Variants in LSAMP observed in about 807,000 individuals in gnomAD.
The protein encoded by LSAMP is limbic system-associated membrane protein.
Under a neutral mutation model 38.6 loss-of-function variants are expected in LSAMP, and 7 were observed. The ratio of observed to expected loss-of-function variants is 0.18; its 90% CI spans 0.10 to 0.34. LSAMP has a LOEUF of 0.34. Among genes scored for constraint, LSAMP ranks in the 10% least tolerant of loss-of-function variants. The pLI is 1.00. For synonymous variants in LSAMP, 154 were observed against 166.8 expected (o/e 0.92, Z 0.59); for missense variants, 313 against 420.0 (o/e 0.75, Z 2.23).
chr3:116,278,709 C>A (rs145392743), intron 1 of LSAMP, among the ~76,000 whole-genome samples: 1 of 152,042 alleles, frequency 6.6e-6, no homozygotes, highest in African/African-American at 2.4e-5. Flanking sequence ...ATATTATCCA[C>A]GCTTAATGTG....
chr3:115,882,765 T>C (rs1936353358), intron 3 of LSAMP, among the ~76,000 whole-genome samples: 1 of 152,076 alleles, frequency 6.6e-6, no homozygotes, highest in Non-Finnish European at 1.5e-5. Flanking sequence ...CTTCTCTCCC[T>C]CATCTCTCAC....
chr3:116,172,518 G>A (rs1710226836), intron 1 of LSAMP, among the ~76,000 whole-genome samples: 1 of 151,966 alleles, frequency 6.6e-6, no homozygotes, highest in African/African-American at 2.4e-5. Context: ...GCTTGTGATA[G>A]AGCATAAAAA....
intron 1 of LSAMP, among the ~76,000 whole-genome samples, chr3:116,329,093 A>T (rs1163437516): frequency 6.6e-6 from 1 of 152,164 alleles, no homozygotes; most frequent in Non-Finnish European, 1.5e-5. Flanking sequence ...GTAGGTTTCA[A>T]TAAGAATAGG....
At chr3:116,256,232 G>A (rs1050459694) in intron 1 of LSAMP, among the ~76,000 whole-genome samples, 5 of 152,148 alleles carry the variant, frequency 3.3e-5, no homozygotes, top group African/African-American at 4.8e-5. Context: ...TTCCTGACAC[G>A]TTATAAAACA....
At chr3:116,063,798 A>G (rs1941635952) in intron 2 of LSAMP, among the ~76,000 whole-genome samples, 1 of 152,192 alleles carries the variant, frequency 6.6e-6, no homozygotes. Flanking sequence ...TAAAGTAGGT[A>G]TCTATTGCAA....
intron 3 of LSAMP, among the ~76,000 whole-genome samples, chr3:115,969,917 A>G (rs1213508196): frequency 6.6e-6 from 1 of 152,204 alleles, no homozygotes; most frequent in Non-Finnish European, 1.5e-5. Flanking sequence ...CCCTTCAGTG[A>G]CAATAATGTG....
chr3:115,834,737 T>A (rs914364900), intron 6 of LSAMP: 2 of 277,896 alleles, frequency 7.2e-6, no homozygotes, highest in African/African-American at 4.7e-5. Context: ...AAAACATTTG[T>A]CTGTACTTCC....
chr3:116,308,250 C>A (rs888015743), intron 1 of LSAMP, among the ~76,000 whole-genome samples: 1 of 151,918 alleles, frequency 6.6e-6, no homozygotes, highest in Non-Finnish European at 1.5e-5. Flanking sequence ...AAATTAATCA[C>A]CCCTTCCTTT....
Position 116,031,716 on chromosome 3 carries a change from C to T in LSAMP, c.389-12076G>A, listed in dbSNP as rs916060649. Among the ~76,000 whole-genome samples the T allele has an allele frequency of 4.0e-5, 6 of 151,518 alleles. No homozygotes were observed. The South Asian group carries it at 1.3e-3, about 32-fold the overall frequency. The stretch of plus-strand genomic sequence containing the variant: ...TAATAAAAGTTGTTTTTTGCCACTG[C>T]TTAAGGGCCCAGAAGATAGAATATT... On this transcript the variant is annotated intron_variant, in intron 2 of 6. Transcript: ENST00000490035.
In LSAMP at chr3:116,445,375, G is replaced by C. The variant is rs2049497533; in HGVS notation, c.-344C>G. On this transcript the variant is annotated 5_prime_UTR_variant, in exon 1 of 7. Coordinates refer to ENST00000490035, the MANE Select transcript of LSAMP (RefSeq NM_002338.5). ...TCTGTGACTGGATGCTCCTCTGCCA[G>C]TGTCTGAGCTGAGCTCCTTCGCTCT... 2.0e-6 allele frequency: 1 copy of C among 499,082 alleles called. No individual in the cohort carries two copies. Among genetic ancestry groups the C allele is most frequent in the South Asian group, 3.8e-5 (1 of 26,060 alleles). The allele number at this position is 499,082 out of a possible 1,614,324, so 30.9% of individuals were successfully genotyped here. A position where few individuals can be genotyped will look rare whatever the true frequency, so the allele number is the denominator to read the frequency against.
chr3:116,198,605 TA>T (rs1246067449), intron 1 of LSAMP, among the ~76,000 whole-genome samples: 1 of 150,802 alleles, frequency 6.6e-6, no homozygotes, highest in Non-Finnish European at 1.5e-5. Context: ...CCGTCTCTAC[TA>T]AAAAAATACA....
chr3:116,105,805 T>C, intron 1 of LSAMP, among the ~76,000 whole-genome samples: 1 of 151,462 alleles, frequency 6.6e-6, no homozygotes, highest in African/African-American at 2.4e-5. Flanking sequence ...TGCCTTCTTA[T>C]ATTAATAAGA....
At chr3:115,960,438 A>G (rs2107593229) in intron 3 of LSAMP, among the ~76,000 whole-genome samples, 1 of 152,334 alleles carries the variant, frequency 6.6e-6, no homozygotes, top group South Asian at 2.1e-4. Flanking sequence ...GCTTTTCTCT[A>G]CCAATCCAAA....
intron 1 of LSAMP, among the ~76,000 whole-genome samples, chr3:116,262,064 G>A (rs1433585828): frequency 1.3e-5 from 2 of 151,918 alleles, no homozygotes; most frequent in African/African-American, 2.4e-5. Flanking sequence ...GCCTAATGGA[G>A]CCCCTTCTTT....
intron 1 of LSAMP, among the ~76,000 whole-genome samples, chr3:116,382,939 AG>A (rs943555518): frequency 7.2e-5 from 11 of 152,296 alleles, no homozygotes; most frequent in African/African-American, 2.6e-4. Flanking sequence ...GCTTTCAAAA[AG>A]GAAATGTGTA....
chr3:116,382,461 A>G (rs2048572513), intron 1 of LSAMP, among the ~76,000 whole-genome samples: 1 of 139,614 alleles, frequency 7.2e-6, no homozygotes, highest in Non-Finnish European at 1.5e-5. Context: ...CAATGAGAAC[A>G]CTTGGACACA....
intron 3 of LSAMP, among the ~76,000 whole-genome samples, chr3:115,993,999 T>C (rs984743818): frequency 3.3e-5 from 5 of 152,108 alleles, no homozygotes; most frequent in African/African-American, 1.2e-4. Context: ...TTCTAGAGCT[T>C]TTACATGGTG....
intron 1 of LSAMP, among the ~76,000 whole-genome samples, chr3:116,208,495 C>T (rs1034423784): frequency 2.0e-5 from 3 of 152,148 alleles, no homozygotes; most frequent in Admixed American, 6.5e-5. Context: ...TAGAGTTTCC[C>T]GTTTTTCTGT....
intron 1 of LSAMP, among the ~76,000 whole-genome samples, chr3:116,122,813 T>A (rs1056821245): frequency 1.3e-5 from 2 of 152,198 alleles, no homozygotes; most frequent in Non-Finnish European, 2.9e-5. Flanking sequence ...CATCTTCACT[T>A]TCACTCACAT....
Sources: gnomAD v4.1 joint callset for allele counts (sites outside exome capture counted in the v4.1 genomes callset) on GRCh38, gnomAD v4.1.1 for gene constraint, MANE v1.5 for transcripts, NCBI Gene and HGNC (gene_info 2026-07-23, HGNC 2026-07-21) for gene names.